Variants in TMEM255B observed in about 807,000 individuals in gnomAD.
TMEM255B encodes the protein transmembrane protein 255B.
TMEM255B carries 35 observed loss-of-function variants against 34.5 expected under a neutral mutation model. The ratio of observed to expected loss-of-function variants is 1.01; its 90% CI spans 0.77 to 1.34. TMEM255B has a LOEUF of 1.34. Among genes scored for constraint, TMEM255B ranks in the 40% most tolerant of loss-of-function variants. TMEM255B has a pLI of 0.00. For synonymous variants in TMEM255B, 206 were observed against 201.2 expected, an observed-to-expected ratio of 1.02 and a Z score of -0.20; for missense variants, 432 against 433.2, an observed-to-expected ratio of 1.00 and a Z score of 0.02.
chr13:113,808,804 T>G, intron 8 of TMEM255B, among the ~76,000 whole-genome samples: 3 of 90,898 alleles, frequency 3.3e-5, no homozygotes, highest in Non-Finnish European at 4.3e-5. Flanking sequence ...GGGGGGGGGT[T>G]ACTCCATGTT....
Position 113,775,665 on chromosome 13 carries a change from C to T in TMEM255B, c.252+6505C>T, listed in dbSNP as rs192357284. ...CTGGATCCCACGACCTCACCCACAGCGGGGGAATAACTGAGGGAGTGGAGC... is the reference window on the plus strand; with the variant it reads ...CTGGATCCCACGACCTCACCCACAGTGGGGGAATAACTGAGGGAGTGGAGC... On this transcript the variant is annotated intron_variant, in intron 3 of 8. Coordinates refer to ENST00000375353, the MANE Select transcript of TMEM255B (RefSeq NM_182614.4). Among the ~76,000 whole-genome samples the T allele has an allele frequency of 5.0e-4, 76 of 152,344 alleles. No homozygotes were observed. In the East Asian group the frequency reaches 0.011, roughly 21 times the overall value.
rs1005850485 is a variant in TMEM255B, at chr13:113,806,919, C to T, written c.813+1891C>T. ...CTCTACACAGACACAGACTTGGAAT[C>T]GCATGGGTGCCAAGAACGTGCAGCC... On this transcript the variant is annotated intron_variant, in intron 8 of 8. Transcript: ENST00000375353. This position sits in a 1 kb window ranked among gnomAD's most constrained non-coding sequence, Gnocchi z 4.2. Among the ~76,000 whole-genome samples the T allele has an allele frequency of 6.6e-5, 10 of 152,196 alleles. No homozygotes were observed. Among genetic ancestry groups the T allele is most frequent in the Admixed American group, 5.9e-4 (9 of 15,288 alleles).
rs1268463141 is a variant in TMEM255B, at chr13:113,766,209, C to T, written c.141C>T (p.Thr47=). The T allele has an allele frequency of 6.2e-6, 10 of 1,614,120 alleles. No individual in the cohort carries two copies. The highest frequency in any genetic ancestry group is 8.5e-6 in the Non-Finnish European group (10 of 1,180,050). ...TAGTCACCGTCGGGCTGGCTGCCAC[C>T]ACCAGGACGGAGAATGTGACCGTTG... The part of the protein sequence containing the change: ...VLIVTVGLAA[T]TRTENVTVGG... Residue 47 remains threonine (T), a synonymous_variant, in exon 2 of 9, where the codon ACC becomes ACT. Coordinates refer to ENST00000375353, the MANE Select transcript of TMEM255B (RefSeq NM_182614.4).
intron 1 of TMEM255B, chr13:113,761,268 C>G (rs998046229): frequency 3.0e-6 from 3 of 985,214 alleles, no homozygotes; most frequent in Non-Finnish European, 3.6e-6. Flanking sequence ...TGTGACATTC[C>G]CCTTCCTGGC....
At chr13:113,795,965 A>G (rs542491942) in intron 4 of TMEM255B, among the ~76,000 whole-genome samples, 2 of 145,676 alleles carry the variant, frequency 1.4e-5, no homozygotes, top group East Asian at 4.2e-4. Context: ...TACACAACAG[A>G]GCACACAGCA....
intron 3 of TMEM255B, among the ~76,000 whole-genome samples, chr13:113,782,644 C>T (rs1198112252): frequency 1.4e-5 from 2 of 143,640 alleles, no homozygotes; most frequent in Middle Eastern, 3.5e-3. Context: ...TCAGTGCCGG[C>T]AGCGATGAGA....
intron 4 of TMEM255B, 115 bp from the exon 5 acceptor site, chr13:113,799,224 G>A: frequency 2.2e-6 from 2 of 895,960 alleles, no homozygotes; most frequent in Non-Finnish European, 3.5e-6. Context: ...TCAAGTTGGT[G>A]TTGGCCTTGG....
rs116379345 is a variant in TMEM255B at position 113,812,629 on chromosome 13, C to T, written c.*726C>T. ...GCTGGGATGGTGGGGGACGGTGTTT[C>T]GGGGTCCTTTGGCTCAGGGTCTGGG... On this transcript the variant is annotated 3_prime_UTR_variant, in exon 9 of 9. Coordinates refer to ENST00000375353, the MANE Select transcript of TMEM255B (RefSeq NM_182614.4). 829 of 152,644 alleles carry T rather than the reference C, an allele frequency of 5.4e-3. 4 individuals are homozygous for T. Among genetic ancestry groups the T allele is most frequent in the African/African-American group, 0.017 (712 of 41,572 alleles). 9.5% of individuals were successfully genotyped at this position (152,644 alleles called of 1,614,324 possible).
At chr13:113,774,933 CCACA>C (rs1440174247) in intron 3 of TMEM255B, among the ~76,000 whole-genome samples, 1 of 149,202 alleles carries the variant, frequency 6.7e-6, no homozygotes, top group African/African-American at 2.5e-5. Context: ...ACTACTCACA[CCACA>C]CACACTGCAC....
rs780505618 is a variant in TMEM255B at position 113,811,831 on chromosome 13, C to T, written c.909C>T (p.Pro303=). 43 of 1,613,834 alleles carry T rather than the reference C, an allele frequency of 2.7e-5. No individual in the cohort carries two copies. The highest frequency in any genetic ancestry group is 1.1e-4 in the East Asian group (5 of 44,898). The change falls in exon 9 of 9, where the codon CCC becomes CCT. Residue 303 remains proline, a synonymous_variant. Transcript: ENST00000375353. ...PSPSSSGSGL[P]GQAPPCYAPT... ...CAAGCAGCTCTGGCTCTGGGCTTCC[C>T]GGCCAGGCTCCACCGTGCTACGCAC...
intron 7 of TMEM255B, among the ~76,000 whole-genome samples, chr13:113,804,561 T>G (rs1405323270): frequency 2.0e-5 from 3 of 148,800 alleles, no homozygotes; most frequent in South Asian, 2.1e-4. Flanking sequence ...AGTGTAAAGC[T>G]ACGCCGGGCC....
chr13:113,781,522 T>C (rs1288031121), intron 3 of TMEM255B, among the ~76,000 whole-genome samples: 3 of 152,244 alleles, frequency 2.0e-5, no homozygotes, highest in Non-Finnish European at 4.4e-5. Context: ...CACTGTTAAC[T>C]CTTAGCAACC....
At chr13:113,780,963 A>G (rs1566728376) in intron 3 of TMEM255B, among the ~76,000 whole-genome samples, 1 of 152,244 alleles carries the variant, frequency 6.6e-6, no homozygotes, top group Non-Finnish European at 1.5e-5. Flanking sequence ...ACACATACCA[A>G]TAACATATTT....
At chr13:113,767,985 C>T (rs1272747802) in intron 2 of TMEM255B, among the ~76,000 whole-genome samples, 2 of 152,184 alleles carry the variant, frequency 1.3e-5, no homozygotes, top group Non-Finnish European at 2.9e-5. Flanking sequence ...ATTCTCAAAC[C>T]GTTGGTGAAA....
chr13:113,772,184 T>TTGGGCTGCC (rs1160263691), intron 3 of TMEM255B, among the ~76,000 whole-genome samples: 7 of 152,246 alleles, frequency 4.6e-5, no homozygotes, highest in Non-Finnish European at 1.5e-5. Flanking sequence ...CATTTTTACA[T>TTGGGCTGCC]TGGGCTGCCT....
At chr13:113,811,158 G>A (rs1219894225) in intron 8 of TMEM255B, among the ~76,000 whole-genome samples, 1 of 146,580 alleles carries the variant, frequency 6.8e-6, no homozygotes, top group Non-Finnish European at 1.5e-5. Context: ...GTGGGGGCCC[G>A]TGAGAGTGGT....
intron 3 of TMEM255B, among the ~76,000 whole-genome samples, chr13:113,794,757 T>G (rs777190117): frequency 2.6e-5 from 4 of 152,250 alleles, no homozygotes; most frequent in Non-Finnish European, 5.9e-5. Flanking sequence ...AAAAGCAGGT[T>G]GTGCGACAGT....
chr13:113,794,613 C>T (rs1438787341), intron 3 of TMEM255B, among the ~76,000 whole-genome samples: 1 of 152,008 alleles, frequency 6.6e-6, no homozygotes, highest in Non-Finnish European at 1.5e-5. Flanking sequence ...AGGGTTAGGG[C>T]AGGACACCCC....
At chr13:113,794,326 CCCCTGT>C (rs1028426867) in intron 3 of TMEM255B, among the ~76,000 whole-genome samples, 1 of 152,158 alleles carries the variant, frequency 6.6e-6, no homozygotes, top group African/African-American at 2.4e-5. Context: ...ACTCAGGCTT[CCCCTGT>C]CCCTGTGTAG....
Sources: gnomAD v4.1 joint callset for allele counts (sites outside exome capture counted in the v4.1 genomes callset) on GRCh38, gnomAD v4.1.1 for gene constraint, Gnocchi (gnomAD v3.1) non-coding constraint, MANE v1.5 for transcripts, NCBI Gene and HGNC (gene_info 2026-07-23, HGNC 2026-07-21) for gene names.